DAPK1: variants seen among roughly 807,000 people sequenced by gnomAD.
The protein encoded by DAPK1 is death associated protein kinase 1.
Under a neutral mutation model 144.9 loss-of-function variants are expected in DAPK1, and 56 were observed. The observed-to-expected ratio is 0.39, with a 90% CI of 0.31 to 0.48. The LOEUF (loss-of-function observed/expected upper bound fraction) is 0.48, where lower values mean the gene tolerates loss of function less well. Among genes scored for constraint, DAPK1 ranks in the 20% least tolerant of loss-of-function variants. The pLI, the probability that DAPK1 is intolerant of heterozygous loss-of-function variation, is 0.95. For synonymous variants in DAPK1, 690 were observed against 749.0 expected, an observed-to-expected ratio of 0.92 and a Z score of 1.29; for missense variants, 1,454 against 1,875.4, an observed-to-expected ratio of 0.78 and a Z score of 4.15.
At chr9:87,611,667 C>A (rs933040318) in intron 3 of DAPK1, among the ~76,000 whole-genome samples, 5 of 152,196 alleles carry the variant, frequency 3.3e-5, no homozygotes, top group Admixed American at 2.0e-4. Context: ...GTTGCTCAGG[C>A]TGGTCTCGAC....
At chr9:87,629,661 C>T (rs1433835961) in intron 3 of DAPK1, among the ~76,000 whole-genome samples, 1 of 152,140 alleles carries the variant, frequency 6.6e-6, no homozygotes, top group African/African-American at 2.4e-5. Flanking sequence ...AGGTGTGAAC[C>T]ACCATGCCTG....
intron 2 of DAPK1, among the ~76,000 whole-genome samples, chr9:87,504,671 C>T (rs1341664511): frequency 2.0e-5 from 3 of 152,184 alleles, no homozygotes; most frequent in Admixed American, 6.5e-5. Context: ...GTGCACTCAT[C>T]CCTCGGTATC....
intron 17 of DAPK1, among the ~76,000 whole-genome samples, chr9:87,655,468 C>T (rs1830600308): frequency 1.3e-5 from 2 of 152,174 alleles, no homozygotes. Context: ...TTTCTAGAGA[C>T]TCACTCAAGT....
intron 21 of DAPK1, among the ~76,000 whole-genome samples, chr9:87,696,023 A>G (rs1237011191): frequency 6.6e-6 from 1 of 152,134 alleles, no homozygotes; most frequent in Non-Finnish European, 1.5e-5. Context: ...TGAGCCTACA[A>G]CCGTGTCATT....
chr9:87,625,153 C>CTTTGTTTGGTTGTT (rs200132375), intron 3 of DAPK1, among the ~76,000 whole-genome samples: 1 of 151,890 alleles, frequency 6.6e-6, no homozygotes. Flanking sequence ...CTCACAGAAA[C>CTTTGTTTGGTTGTT]AGTTTGTTAA....
intron 2 of DAPK1, among the ~76,000 whole-genome samples, chr9:87,531,677 C>A (rs1249743025): frequency 6.6e-6 from 1 of 152,156 alleles, no homozygotes; most frequent in Non-Finnish European, 1.5e-5. Context: ...CAGAATTATG[C>A]CCAGGATTTC....
intron 7 of DAPK1, among the ~76,000 whole-genome samples, chr9:87,640,082 AC>A (rs769072779): frequency 6.6e-6 from 1 of 152,236 alleles, no homozygotes; most frequent in Non-Finnish European, 1.5e-5. Flanking sequence ...CCTTTAAACT[AC>A]CAGACGCTGT....
rs1227455691 is a variant in DAPK1 at position 87,525,526 on chromosome 9, T to C, written c.62+26387T>C. The C allele has an allele frequency of 3.6e-5, 40 of 1,117,632 alleles. 1 individual carries two copies. In the Admixed American group the frequency reaches 6.0e-4, roughly 17 times the overall value. The allele number at this position is 1,117,632 out of a possible 1,614,324, so 69.2% of individuals were successfully genotyped here. A position where few individuals can be genotyped will look rare whatever the true frequency, so the allele number is the denominator to read the frequency against. ...AAGGCATATACTCAATGAAAAACCA[T>C]GATAGTTCTTTGTACATAAAATAAA... is the stretch of plus-strand genomic sequence containing the variant. On this transcript the variant is annotated intron_variant, in intron 2 of 25. Coordinates refer to ENST00000408954, the MANE Select transcript of DAPK1 (RefSeq NM_004938.4).
At chr9:87,510,214 T>G (rs10125534) in intron 2 of DAPK1, among the ~76,000 whole-genome samples, 33,116 of 152,120 alleles carry the variant, frequency 0.22, 3,960 homozygotes, top group East Asian at 0.43. Context: ...GCAGACAGGG[T>G]AATGTCAGCC....
At chr9:87,698,909 GT>G in intron 23 of DAPK1, 115 bp downstream of exon 23, 1 of 638,778 alleles carries the variant, frequency 1.6e-6, no homozygotes, top group South Asian at 2.0e-5. Flanking sequence ...GGTTTTAAAG[GT>G]CTTTCTTTCT....
At chr9:87,655,831 C>G (rs1322348479) in intron 17 of DAPK1, among the ~76,000 whole-genome samples, 1 of 152,204 alleles carries the variant, frequency 6.6e-6, no homozygotes, top group East Asian at 1.9e-4. Flanking sequence ...TAAGGACAGA[C>G]AGAAGGCACG....
Position 87,706,376 on chromosome 9 carries a change from A to G in DAPK1, c.3305A>G (p.Asp1102Gly). The G allele has an allele frequency of 6.2e-7, 1 of 1,610,342 alleles. No individual in the cohort carries two copies. Among genetic ancestry groups the G allele is most frequent in the Non-Finnish European group, 8.5e-7 (1 of 1,178,290 alleles). ...GACCTGAGCAGCGGGACCATGGTGG[A>G]CGTCCCAGCCCTGATCAAGACAGAC... ...ARDLSSGTMVDVPALIKTDNL... is the reference protein window; with the variant it reads ...ARDLSSGTMVGVPALIKTDNL... The change falls in exon 26 of 26, where the codon GAC becomes GGC. Residue 1102 changes from aspartate (D) to glycine (G), a missense_variant. Transcript: ENST00000408954. This position sits in a 1 kb window ranked among gnomAD's most constrained non-coding sequence, Gnocchi z 9.0.
chr9:87,571,473 A>ACACACACACACC lies in DAPK1; in HGVS notation c.63-33480_63-33479insACACACACACCC, dbSNP rs377253457. ...CACACACACACACACACACACACAC[A>ACACACACACACC]CCAACACACACACACACACACCCCA... On this transcript the variant is annotated intron_variant, in intron 2 of 25. Transcript: ENST00000408954. 6.5e-3 allele frequency among the ~76,000 whole-genome samples: 376 copies of ACACACACACACC among 57,612 alleles called. 54 individuals carry two copies. The highest frequency in any genetic ancestry group is 0.03 in the Middle Eastern group (3 of 100). The allele number at this position is 57,612 out of a possible 152,430, so 37.8% of individuals were successfully genotyped here. A position where few individuals can be genotyped will look rare whatever the true frequency, so the allele number is the denominator to read the frequency against.
chr9:87,635,026 A>C (rs1295613501), intron 3 of DAPK1, among the ~76,000 whole-genome samples: 5 of 152,120 alleles, frequency 3.3e-5, no homozygotes, highest in African/African-American at 4.8e-5. Flanking sequence ...ATTTTATAGA[A>C]GGGGAGTCAG....
chr9:87,675,689 G>T (rs1824342029), intron 19 of DAPK1, among the ~76,000 whole-genome samples: 1 of 152,038 alleles, frequency 6.6e-6, no homozygotes, highest in African/African-American at 2.4e-5. Flanking sequence ...GATAGGAGGT[G>T]ATCTTGGCAG....
At chr9:87,571,498 A>ACACACACACACACACACACACACACACAC (rs1554684284) in intron 2 of DAPK1, among the ~76,000 whole-genome samples, 8 of 46,498 alleles carry the variant, frequency 1.7e-4, no homozygotes, top group African/African-American at 2.9e-4. Context: ...CACACACCCC[A>ACACACACACACACACACACACACACACAC]ACACACACAC....
chr9:87,524,879 G>A (rs1418694011), intron 2 of DAPK1, among the ~76,000 whole-genome samples: 1 of 152,098 alleles, frequency 6.6e-6, no homozygotes, highest in African/African-American at 2.4e-5. Flanking sequence ...TAGACTTTGG[G>A]GACTTAGAGG....
intron 2 of DAPK1, among the ~76,000 whole-genome samples, chr9:87,544,319 C>T (rs1166210054): frequency 1.3e-5 from 2 of 152,166 alleles, no homozygotes; most frequent in South Asian, 4.1e-4. Flanking sequence ...CCCATAACTC[C>T]ACTCACTCAA....
chr9:87,563,385 G>A (rs1043254289), intron 2 of DAPK1, among the ~76,000 whole-genome samples: 16 of 152,190 alleles, frequency 1.1e-4, no homozygotes, highest in African/African-American at 3.9e-4. Context: ...GATACAGTGT[G>A]AACACCTGCA....
Sources: allele counts gnomAD v4.1 joint callset (sites outside exome capture counted in the v4.1 genomes callset), GRCh38; gene constraint gnomAD v4.1.1; non-coding constraint Gnocchi (gnomAD v3.1); transcripts MANE v1.5; gene names NCBI Gene and HGNC (gene_info 2026-07-23, HGNC 2026-07-21).